Variants in UGT1A8 observed in about 807,000 individuals in gnomAD.
UGT1A8 encodes UDP glucuronosyltransferase family 1 member A8.
Under a neutral mutation model 45.3 loss-of-function variants are expected in UGT1A8, and 39 were observed. The ratio of observed to expected loss-of-function variants is 0.86; its 90% CI spans 0.67 to 1.12. The LOEUF (loss-of-function observed/expected upper bound fraction) is 1.12, where lower values mean the gene tolerates loss of function less well. Among genes scored for constraint, UGT1A8 ranks in the 50% most tolerant of loss-of-function variants. UGT1A8 has a pLI of 0.00. For missense variants in UGT1A8, 719 were observed against 664.9 expected, an observed-to-expected ratio of 1.08 and a Z score of -0.90; for synonymous variants, 275 against 249.2, an observed-to-expected ratio of 1.10 and a Z score of -0.97.
chr2:233,662,346 T>G lies in UGT1A8; in HGVS notation c.855+43784T>G, dbSNP rs182463177. ...GTAGGCTATGTGGCTTATCTGCAAG[T>G]TTTTCAATTTGTTGCAAATCTCCAT... On this transcript the variant is annotated intron_variant, in intron 1 of 4. Coordinates refer to ENST00000373450, the MANE Select transcript of UGT1A8 (RefSeq NM_019076.5). 3.3e-5 allele frequency among the ~76,000 whole-genome samples: 5 copies of G among 152,338 alleles called. No individual in the cohort carries two copies. In the East Asian group the frequency reaches 7.7e-4, roughly 23 times the overall value.
At chr2:233,654,193 A>G (rs1019176703) in intron 1 of UGT1A8, among the ~76,000 whole-genome samples, 2 of 152,228 alleles carry the variant, frequency 1.3e-5, no homozygotes, top group African/African-American at 2.4e-5. Flanking sequence ...AGAAAAAGTA[A>G]AAGAAAAAAA....
At chr2:233,661,807 T>C (rs2073977232) in intron 1 of UGT1A8, among the ~76,000 whole-genome samples, 1 of 151,948 alleles carries the variant, frequency 6.6e-6, no homozygotes, top group Non-Finnish European at 1.5e-5. Context: ...TGAATTTCTC[T>C]GCTTCATGGG....
chr2:233,693,127 T>G (rs779383196), intron 1 of UGT1A8: 1 of 1,614,216 alleles, frequency 6.2e-7, no homozygotes, highest in African/African-American at 1.3e-5. Flanking sequence ...ACTGGCTTAG[T>G]ATGAAGGATA....
At chr2:233,743,483 T>A in intron 1 of UGT1A8, 1 of 1,367,128 alleles carries the variant, frequency 7.3e-7, no homozygotes, top group Non-Finnish European at 9.8e-7. Flanking sequence ...GGAAATTCAC[T>A]GAAGGCAGAG....
intron 1 of UGT1A8, among the ~76,000 whole-genome samples, chr2:233,678,711 A>C (rs1224106773): frequency 1.3e-5 from 2 of 152,110 alleles, no homozygotes; most frequent in Admixed American, 1.3e-4. Flanking sequence ...TGCTTCTTCT[A>C]CATCTTCTTT....
intron 1 of UGT1A8, among the ~76,000 whole-genome samples, chr2:233,655,418 A>G (rs550952113): frequency 6.6e-6 from 1 of 152,148 alleles, no homozygotes; most frequent in African/African-American, 2.4e-5. Flanking sequence ...TCACTGGAGC[A>G]CTGGAAGCTG....
intron 1 of UGT1A8, among the ~76,000 whole-genome samples, chr2:233,746,336 A>G (rs1235397882): frequency 1.3e-5 from 2 of 151,736 alleles, no homozygotes; most frequent in Non-Finnish European, 2.9e-5. Context: ...AGGGCAATGG[A>G]CATGTTTATG....
At chr2:233,682,508 C>T (rs760871319) in intron 1 of UGT1A8, 2 of 1,613,926 alleles carry the variant, frequency 1.2e-6, no homozygotes, top group Non-Finnish European at 1.7e-6. Context: ...TTCCTATGTC[C>T]CCAGACTTCT....
intron 1 of UGT1A8, among the ~76,000 whole-genome samples, chr2:233,673,258 T>G (rs2074255597): frequency 6.6e-6 from 1 of 152,184 alleles, no homozygotes; most frequent in Non-Finnish European, 1.5e-5. Flanking sequence ...TTTCTTTGCA[T>G]TTTTCACTTG....
chr2:233,718,402 G>A (rs3732220), intron 1 of UGT1A8, among the ~76,000 whole-genome samples: 15,446 of 152,230 alleles, frequency 0.1, 905 homozygotes, highest in East Asian at 0.2. Context: ...AGCAAATAGC[G>A]TCACATTCAG....
At chr2:233,622,134 T>C (rs1202029442) in intron 1 of UGT1A8, among the ~76,000 whole-genome samples, 2 of 152,222 alleles carry the variant, frequency 1.3e-5, no homozygotes, top group Non-Finnish European at 2.9e-5. Flanking sequence ...CTATCATTGA[T>C]GAACATTTCG....
rs1310815990 is a variant in UGT1A8, at chr2:233,693,240, C to T, written c.856-73794C>T. ...AAATACTACACAAGAAAAATCTATC[C>T]AGTGCCGTATGACCAAGAAGAGCTG... On this transcript the variant is annotated intron_variant, in intron 1 of 4. Transcript: ENST00000373450. 6.8e-6 allele frequency: 11 copies of T among 1,614,022 alleles called. No homozygotes were observed. The African/African-American group carries it at 1.3e-4, about 20-fold the overall frequency.
intron 1 of UGT1A8, among the ~76,000 whole-genome samples, chr2:233,699,014 G>A (rs2075477685): frequency 6.6e-6 from 1 of 152,222 alleles, no homozygotes; most frequent in Non-Finnish European, 1.5e-5. Flanking sequence ...AACATGAGAG[G>A]CTGAGCCACC....
intron 1 of UGT1A8, among the ~76,000 whole-genome samples, chr2:233,757,694 G>C (rs757732265): frequency 2.6e-5 from 4 of 151,666 alleles, no homozygotes; most frequent in Non-Finnish European, 5.9e-5. Context: ...ATTCAAGGAA[G>C]GTGGCTTTGC....
chr2:233,647,389 G>T (rs1306463979), intron 1 of UGT1A8, among the ~76,000 whole-genome samples: 2 of 152,202 alleles, frequency 1.3e-5, no homozygotes, highest in Non-Finnish European at 2.9e-5. Context: ...TTGTGGTAAT[G>T]TTGGTCTCAC....
intron 1 of UGT1A8, among the ~76,000 whole-genome samples, chr2:233,631,053 C>A (rs953993207): frequency 6.6e-6 from 1 of 151,784 alleles, no homozygotes; most frequent in Non-Finnish European, 1.5e-5. Context: ...TTCTCATTGT[C>A]CAACTCCTAC....
intron 1 of UGT1A8, chr2:233,713,058 C>G: frequency 6.2e-7 from 1 of 1,614,146 alleles, no homozygotes. Flanking sequence ...CCTCAGTGTC[C>G]AGCCCTGGGC....
At chr2:233,673,402 T>A (rs1305346652) in intron 1 of UGT1A8, among the ~76,000 whole-genome samples, 1 of 152,186 alleles carries the variant, frequency 6.6e-6, no homozygotes, top group Non-Finnish European at 1.5e-5. Flanking sequence ...TTTAGGCATT[T>A]TGCATTTTTT....
intron 1 of UGT1A8, chr2:233,747,444 A>G: frequency 6.2e-7 from 1 of 1,609,016 alleles, no homozygotes; most frequent in East Asian, 2.2e-5. Flanking sequence ...TTTCACCCTG[A>G]CAACCTATGC....
Sources: gnomAD v4.1 joint callset for allele counts (sites outside exome capture counted in the v4.1 genomes callset) on GRCh38, gnomAD v4.1.1 for gene constraint, MANE v1.5 for transcripts, NCBI Gene and HGNC (gene_info 2026-07-23, HGNC 2026-07-21) for gene names.